The following ITPKB variants were observed in gnomAD, a reference collection of about 807,000 sequenced individuals.
ITPKB encodes inositol-trisphosphate 3-kinase B, also known as IP3 3-kinase B.
ITPKB carries 13 observed loss-of-function variants against 69.4 expected under a neutral mutation model. The observed-to-expected ratio is 0.19, with a 90% CI of 0.12 to 0.30. The LOEUF (loss-of-function observed/expected upper bound fraction) is 0.30, where lower values mean the gene tolerates loss of function less well. ITPKB is among the 10% of genes least tolerant of loss of function. The pLI is 1.00. For missense variants in ITPKB, 1,240 were observed against 1,250.5 expected (o/e 0.99, Z 0.13); for synonymous variants, 584 against 513.7 (o/e 1.14, Z -1.85).
chr1:226,650,184 A>G (rs1669158926), intron 2 of ITPKB, among the ~76,000 whole-genome samples: 1 of 152,380 alleles, frequency 6.6e-6, no homozygotes, highest in East Asian at 1.9e-4. Context: ...GGTGAAGTCA[A>G]GGTGAAATCG....
chr1:226,658,210 C>A (rs2102754557), intron 2 of ITPKB, among the ~76,000 whole-genome samples: 1 of 152,252 alleles, frequency 6.6e-6, no homozygotes, highest in Middle Eastern at 3.4e-3. Context: ...TCATTATTTC[C>A]TTCACTGGGG....
intron 2 of ITPKB, among the ~76,000 whole-genome samples, chr1:226,727,959 A>G (rs1267719750): frequency 6.6e-6 from 1 of 152,158 alleles, no homozygotes; most frequent in Non-Finnish European, 1.5e-5. Flanking sequence ...TCTTACCACA[A>G]AAGTAAAATG....
intron 2 of ITPKB, among the ~76,000 whole-genome samples, chr1:226,678,634 C>T (rs930285152): frequency 1.3e-5 from 2 of 151,926 alleles, no homozygotes; most frequent in Admixed American, 6.6e-5. Context: ...AAGTGTCTAG[C>T]ACTAAACACT....
At chr1:226,720,715 C>T (rs1657214845) in intron 2 of ITPKB, among the ~76,000 whole-genome samples, 1 of 152,316 alleles carries the variant, frequency 6.6e-6, no homozygotes, top group Non-Finnish European at 1.5e-5. Context: ...TCATATTGAA[C>T]TGGTAGTAAA....
chr1:226,703,122 A>G (rs540239159), intron 2 of ITPKB, among the ~76,000 whole-genome samples: 4 of 152,266 alleles, frequency 2.6e-5, no homozygotes, highest in African/African-American at 9.6e-5. Flanking sequence ...GAAGCGAAAG[A>G]AAGTGATTAT....
chr1:226,659,405 C>T (rs1362768828), intron 2 of ITPKB, among the ~76,000 whole-genome samples: 1 of 152,036 alleles, frequency 6.6e-6, no homozygotes, highest in South Asian at 2.1e-4. Context: ...CCAGATACGG[C>T]CCCACACTCA....
intron 2 of ITPKB, among the ~76,000 whole-genome samples, chr1:226,650,459 GC>G (rs1669165283): frequency 6.6e-6 from 1 of 152,244 alleles, no homozygotes; most frequent in Admixed American, 6.5e-5. Context: ...GCCAAAGAAG[GC>G]TAGAGCCAGC....
chr1:226,691,811 G>C (rs1656359589), intron 2 of ITPKB, among the ~76,000 whole-genome samples: 1 of 152,146 alleles, frequency 6.6e-6, no homozygotes, highest in Admixed American at 6.5e-5. Flanking sequence ...CATTGTGATG[G>C]ATTCAATTTT....
intron 2 of ITPKB, among the ~76,000 whole-genome samples, chr1:226,711,405 A>AAG (rs59479705): frequency 0.02 from 2,620 of 129,750 alleles, 31 homozygotes; most frequent in Middle Eastern, 0.036. Flanking sequence ...GGTGTTTTGA[A>AAG]AGAGAGAGAG....
chr1:226,735,790 G>C lies in ITPKB; in HGVS notation c.1669C>G (p.Leu557Val). 1 of 1,603,506 alleles carries C rather than the reference G, an allele frequency of 6.2e-7. No homozygotes were observed. Among genetic ancestry groups the C allele is most frequent in the African/African-American group, 1.3e-5 (1 of 74,840 alleles). Reference sequence around the variant, plus strand: ...TTGCTGGGGCTGCAGGCCTTCCTCAGGAAAGGCTTGTCCGGATCTTGGGGT... The same window carrying C: ...TTGCTGGGGCTGCAGGCCTTCCTCACGAAAGGCTTGTCCGGATCTTGGGGT... ...LLPQDPDKPF[L>V]RKACSPSNIP... Residue 557 changes from leucine (L) to valine (V), a missense_variant, in exon 2 of 8, where the codon CTG becomes GTG. Around this residue, in one of 2 missense-constraint regions of ITPKB, gnomAD observed 992 missense variants for 853.8 expected, o/e 1.16. Coordinates refer to ENST00000429204, the MANE Select transcript of ITPKB (RefSeq NM_002221.4).
chr1:226,648,651 G>C (rs1669110588), intron 3 of ITPKB, 21 bp downstream of exon 3: 1 of 1,475,984 alleles, frequency 6.8e-7, no homozygotes, highest in African/African-American at 1.4e-5. Flanking sequence ...TGCTGGGAAA[G>C]TCTGGGAGAG....
chr1:226,707,918 A>G (rs1433402801), intron 2 of ITPKB: 1 of 1,332,988 alleles, frequency 7.5e-7, no homozygotes, highest in Non-Finnish European at 9.9e-7. Context: ...AGAAGTCACT[A>G]AAGGGAGAAG....
At chr1:226,713,195 C>G (rs188227263) in intron 2 of ITPKB, among the ~76,000 whole-genome samples, 1 of 152,156 alleles carries the variant, frequency 6.6e-6, no homozygotes, top group East Asian at 1.9e-4. Flanking sequence ...TCGACCTCTT[C>G]GCATTTCTAG....
intron 2 of ITPKB, among the ~76,000 whole-genome samples, chr1:226,708,487 C>T (rs969378975): frequency 2.0e-5 from 3 of 152,188 alleles, no homozygotes; most frequent in African/African-American, 7.2e-5. Context: ...ACATTCTGGT[C>T]AATGAGACAC....
At chr1:226,718,690 A>G (rs1275485891) in intron 2 of ITPKB, among the ~76,000 whole-genome samples, 1 of 152,224 alleles carries the variant, frequency 6.6e-6, no homozygotes, top group East Asian at 1.9e-4. Context: ...TGGCTAAAAT[A>G]AAAGTAGCTA....
intron 2 of ITPKB, among the ~76,000 whole-genome samples, chr1:226,652,910 T>G (rs1032212267): frequency 2.6e-5 from 4 of 152,130 alleles, no homozygotes; most frequent in African/African-American, 9.7e-5. Flanking sequence ...GCCTAGCCAG[T>G]GGATGTGCTG....
chr1:226,638,226 T>C (rs1053491080), intron 6 of ITPKB, among the ~76,000 whole-genome samples: 1 of 152,184 alleles, frequency 6.6e-6, no homozygotes, highest in African/African-American at 2.4e-5. Context: ...AGGAGGCATG[T>C]TCCATGGTGG....
intron 6 of ITPKB, 151 bp downstream of exon 6, chr1:226,639,406 G>A: frequency 1.6e-6 from 1 of 616,754 alleles, no homozygotes; most frequent in Non-Finnish European, 2.9e-6. Flanking sequence ...AAAAGTCTCT[G>A]CCAGTGGCCT....
chr1:226,673,139 A>G (rs1455554113), intron 2 of ITPKB, among the ~76,000 whole-genome samples: 1 of 152,240 alleles, frequency 6.6e-6, no homozygotes, highest in African/African-American at 2.4e-5. Flanking sequence ...TGGGAGGCTG[A>G]GGCAGGAGGA....
Sources: gnomAD v4.1 joint callset for allele counts (sites outside exome capture counted in the v4.1 genomes callset) on GRCh38, gnomAD v4.1.1 for gene constraint, gnomAD v4.1.1 regional missense constraint, MANE v1.5 for transcripts, NCBI Gene and HGNC (gene_info 2026-07-23, HGNC 2026-07-21) for gene names.